The following NRCAM variants were observed in gnomAD, a reference collection of about 807,000 sequenced individuals.
NRCAM encodes the protein NgCAM-related cell adhesion molecule.
A neutral mutation model predicts 156.5 loss-of-function variants in NRCAM; 83 were observed. The ratio of observed to expected loss-of-function variants is 0.53; its 90% CI spans 0.44 to 0.64. The LOEUF is 0.64. Among genes scored for constraint, NRCAM ranks in the 30% least tolerant of loss-of-function variants. The pLI, the probability that NRCAM is intolerant of heterozygous loss-of-function variation, is 0.00. For missense variants in NRCAM, 1,417 were observed against 1,597.3 expected, an observed-to-expected ratio of 0.89 and a Z score of 1.92; for synonymous variants, 538 against 563.9, an observed-to-expected ratio of 0.95 and a Z score of 0.65.
rs1430436476 is a variant in NRCAM, at chr7:108,184,323, G to C, written c.2234-12C>G. 1 of 1,613,936 alleles carries C rather than the reference G, an allele frequency of 6.2e-7. No homozygotes were observed. Among genetic ancestry groups the C allele is most frequent in the Non-Finnish European group, 8.5e-7 (1 of 1,179,948 alleles). ...GTTTTTATCTGGTTCTGGAAGTTAAGCAGCCACACATGTGTAAGCTTTGGC... is the reference window on the plus strand; with the variant it reads ...GTTTTTATCTGGTTCTGGAAGTTAACCAGCCACACATGTGTAAGCTTTGGC... On this transcript the variant is annotated splice_polypyrimidine_tract_variant and intron_variant, in intron 21 of 32. Coordinates refer to ENST00000379028, the MANE Select transcript of NRCAM (RefSeq NM_001037132.4).
chr7:108,335,754 G>A (rs184776609), intron 2 of NRCAM, among the ~76,000 whole-genome samples: 7 of 152,032 alleles, frequency 4.6e-5, no homozygotes, highest in African/African-American at 1.7e-4. Context: ...GTGTCCTCTC[G>A]TATCTCAAAT....
At chr7:108,213,238 A>T (rs2085742825) in intron 11 of NRCAM, among the ~76,000 whole-genome samples, 1 of 152,252 alleles carries the variant, frequency 6.6e-6, no homozygotes, top group African/African-American at 2.4e-5. Flanking sequence ...AAGAACTGCT[A>T]AAAGGAGTTC....
intron 1 of NRCAM, among the ~76,000 whole-genome samples, chr7:108,455,698 G>A (rs1856402484): frequency 6.6e-6 from 1 of 152,186 alleles, no homozygotes; most frequent in African/African-American, 2.4e-5. Flanking sequence ...ACGCACTTCC[G>A]AACAAAGCCC....
In NRCAM at chr7:108,420,893, G is replaced by A. The variant is rs149164120; in HGVS notation, c.-331-21300C>T. 9.8e-3 allele frequency among the ~76,000 whole-genome samples: 1,493 copies of A among 152,256 alleles called. 9 individuals are homozygous for A. Among genetic ancestry groups the A allele is most frequent in the Middle Eastern group, 0.041 (12 of 294 alleles). On this transcript the variant is annotated intron_variant, in intron 1 of 32. Transcript: ENST00000379028. ...TGAGAGAGAGAAAAGACTCACAGAA[G>A]GAAATGTAGAATGGGAAGAAACTAT... is the stretch of plus-strand genomic sequence containing the variant.
At chr7:108,191,606 T>G in intron 18 of NRCAM, 123 bp downstream of exon 18, 1 of 1,169,294 alleles carries the variant, frequency 8.6e-7, no homozygotes, top group Non-Finnish European at 1.2e-6. Context: ...AAGAAAAACA[T>G]GGGTATGAAC....
Position 108,149,790 on chromosome 7 carries a change from TACTAACATAC to T in NRCAM, c.*110_*119del. ...GTTTTTGCTGTAACTATTCTCATAATACTAACATACAGCAGAAAATATACTCTCTACCCAT... is the reference window on the plus strand; with the variant it reads ...GTTTTTGCTGTAACTATTCTCATAATAGCAGAAAATATACTCTCTACCCAT... On this transcript the variant is annotated 3_prime_UTR_variant, in exon 33 of 33. Transcript: ENST00000379028. The T allele has an allele frequency of 1.3e-6, 1 of 789,866 alleles. No individual in the cohort carries two copies. The highest frequency in any genetic ancestry group is 2.1e-6 in the Non-Finnish European group (1 of 479,478). 48.9% of individuals were successfully genotyped at this position (789,866 alleles called of 1,614,324 possible).
Position 108,209,361 on chromosome 7 carries a change from T to C in NRCAM, c.1075+60A>G, listed in dbSNP as rs2082852688. The C allele has an allele frequency of 7.7e-6, 9 of 1,173,474 alleles. No homozygotes were observed. The South Asian group carries it at 1.4e-4, about 18-fold the overall frequency. 72.7% of individuals were successfully genotyped at this position (1,173,474 alleles called of 1,614,324 possible). A position where few individuals can be genotyped will look rare whatever the true frequency, so the allele number is the denominator to read the frequency against. On this transcript the variant is annotated intron_variant, in intron 12 of 32. Coordinates refer to ENST00000379028, the MANE Select transcript of NRCAM (RefSeq NM_001037132.4). ...TACTAAAAATGTAATGAAAACCACA[T>C]TTAATTAAAGTTTCAGGGTCTCTCA...
At chr7:108,328,908 C>T (rs573781990) in intron 2 of NRCAM, among the ~76,000 whole-genome samples, 1 of 152,126 alleles carries the variant, frequency 6.6e-6, no homozygotes. Context: ...TGACAAGACA[C>T]AATAACTGCT....
chr7:108,191,218 A>G (rs1215294929), intron 19 of NRCAM, 36 bp downstream of exon 19: 6 of 1,562,604 alleles, frequency 3.8e-6, no homozygotes, highest in Non-Finnish European at 5.2e-6. Flanking sequence ...AAATTGTTTG[A>G]CAGAAAACAG....
intron 14 of NRCAM, among the ~76,000 whole-genome samples, chr7:108,197,178 T>C (rs1341379120): frequency 6.6e-6 from 1 of 152,098 alleles, no homozygotes; most frequent in Non-Finnish European, 1.5e-5. Flanking sequence ...CTCATAAAAG[T>C]AGAGATGAAA....
intron 2 of NRCAM, among the ~76,000 whole-genome samples, chr7:108,389,715 T>C (rs1354898208): frequency 6.6e-6 from 1 of 152,202 alleles, no homozygotes; most frequent in South Asian, 2.1e-4. Context: ...CTCTTATTAA[T>C]TTGAGATATG....
chr7:108,333,251 T>G (rs973772594), intron 2 of NRCAM, among the ~76,000 whole-genome samples: 4 of 152,246 alleles, frequency 2.6e-5, no homozygotes, highest in African/African-American at 9.6e-5. Context: ...TTCCTACCTC[T>G]TTCTCATCAT....
chr7:108,249,539 A>T (rs571855178), intron 3 of NRCAM, among the ~76,000 whole-genome samples: 7 of 152,302 alleles, frequency 4.6e-5, no homozygotes, highest in Non-Finnish European at 8.8e-5. Flanking sequence ...ACGAGTGGCC[A>T]TTTGTTTGCA....
intron 12 of NRCAM, among the ~76,000 whole-genome samples, chr7:108,208,652 T>C (rs1370796681): frequency 2.0e-5 from 3 of 152,176 alleles, no homozygotes; most frequent in Non-Finnish European, 4.4e-5. Flanking sequence ...TCTTGGTCTT[T>C]CCTTGTCTTT....
chr7:108,412,757 C>T (rs1163298242), intron 1 of NRCAM, among the ~76,000 whole-genome samples: 1 of 152,076 alleles, frequency 6.6e-6, no homozygotes, highest in Non-Finnish European at 1.5e-5. Flanking sequence ...TCTATGAAAT[C>T]AGCTTTTTAA....
chr7:108,406,897 T>C (rs2099809006), intron 1 of NRCAM, among the ~76,000 whole-genome samples: 1 of 152,232 alleles, frequency 6.6e-6, no homozygotes, highest in Non-Finnish European at 1.5e-5. Flanking sequence ...AGAATGCTAA[T>C]GATTTTCATA....
intron 1 of NRCAM, among the ~76,000 whole-genome samples, chr7:108,418,043 G>A (rs117473471): frequency 6.6e-6 from 1 of 152,094 alleles, no homozygotes; most frequent in East Asian, 1.9e-4. Flanking sequence ...ATGGAGCTCT[G>A]GAAACCCCTC....
At chr7:108,190,107 G>T (rs547219407) in intron 19 of NRCAM, among the ~76,000 whole-genome samples, 4 of 152,272 alleles carry the variant, frequency 2.6e-5, no homozygotes, top group African/African-American at 9.6e-5. Flanking sequence ...GGGAAATAGA[G>T]AAAGCAACTG....
At chr7:108,150,736 G>C (rs1425725044) in intron 32 of NRCAM, 1 of 533,014 alleles carries the variant, frequency 1.9e-6, no homozygotes, top group African/African-American at 1.9e-5. Context: ...GGATGCAGAA[G>C]AAACAAATGA....
Sources: gnomAD v4.1 joint callset for allele counts (sites outside exome capture counted in the v4.1 genomes callset) on GRCh38, gnomAD v4.1.1 for gene constraint, MANE v1.5 for transcripts, NCBI Gene and HGNC (gene_info 2026-07-23, HGNC 2026-07-21) for gene names.